CYTH3: variants seen among roughly 807,000 people sequenced by gnomAD.
The protein encoded by CYTH3 is cytohesin-3.
In CYTH3, 23 loss-of-function variants were observed where a neutral mutation model predicts 55.1. The observed-to-expected ratio is 0.42, with a 90% confidence interval of 0.30 to 0.59. The LOEUF is 0.59. Ranked by LOEUF, CYTH3 falls within the 20% of genes least tolerant of loss-of-function variation. The pLI, the probability that CYTH3 is intolerant of heterozygous loss-of-function variation, is 0.20. For synonymous variants in CYTH3, 249 were observed against 194.9 expected, an observed-to-expected ratio of 1.28 and a Z score of -2.31; for missense variants, 413 against 524.8, an observed-to-expected ratio of 0.79 and a Z score of 2.08.
intron 9 of CYTH3, among the ~76,000 whole-genome samples, chr7:6,166,160 T>C (rs1452551316): frequency 2.6e-5 from 4 of 152,184 alleles, no homozygotes; most frequent in Admixed American, 2.0e-4. Flanking sequence ...GACCCCACCA[T>C]GTCAGGTGGT....
At chr7:6,192,150 T>C (rs1198392651) in intron 1 of CYTH3, among the ~76,000 whole-genome samples, 1 of 151,998 alleles carries the variant, frequency 6.6e-6, no homozygotes, top group Non-Finnish European at 1.5e-5. Flanking sequence ...CACCACAGAG[T>C]GAAGAAGAGC....
chr7:6,193,071 C>CTGAGGCAGGAGAATCGCT (rs1783841394), intron 1 of CYTH3, among the ~76,000 whole-genome samples: 2 of 151,958 alleles, frequency 1.3e-5, no homozygotes, highest in African/African-American at 2.4e-5. Flanking sequence ...ACTGGGGAGG[C>CTGAGGCAGGAGAATCGCT]TGAGGCAGGA....
chr7:6,242,021 CTG>C (rs1413017255), intron 1 of CYTH3, among the ~76,000 whole-genome samples: 1 of 152,146 alleles, frequency 6.6e-6, no homozygotes, highest in Non-Finnish European at 1.5e-5. Context: ...GCATATACCA[CTG>C]TAACACAATA....
chr7:6,271,017 C>A (rs955697889), intron 1 of CYTH3, among the ~76,000 whole-genome samples: 6 of 152,192 alleles, frequency 3.9e-5, no homozygotes, highest in African/African-American at 1.4e-4. Context: ...TCTTTTCTAA[C>A]AAGGGAAAAC....
At chr7:6,223,325 C>T (rs1325826737) in intron 1 of CYTH3, among the ~76,000 whole-genome samples, 1 of 152,212 alleles carries the variant, frequency 6.6e-6, no homozygotes, top group Non-Finnish European at 1.5e-5. Flanking sequence ...GTGTACCCAA[C>T]AGCTCTGAAG....
At chr7:6,244,315 T>G (rs1369610340) in intron 1 of CYTH3, among the ~76,000 whole-genome samples, 1 of 152,244 alleles carries the variant, frequency 6.6e-6, no homozygotes, top group Non-Finnish European at 1.5e-5. Context: ...GTGGCAATTT[T>G]TAATGAATTT....
intron 1 of CYTH3, among the ~76,000 whole-genome samples, chr7:6,211,977 C>T (rs554627967): frequency 5.8e-4 from 89 of 152,142 alleles, no homozygotes; most frequent in African/African-American, 2.0e-3. Flanking sequence ...CAGAGTGAGA[C>T]GCTGTCTCAA....
rs1783190790 is a variant in CYTH3 at position 6,171,440 on chromosome 7, GC to G, written c.450-127del. On this transcript the variant is annotated intron_variant, in intron 6 of 12. Coordinates refer to ENST00000350796, the MANE Select transcript of CYTH3 (RefSeq NM_004227.4). This position sits in a 1 kb window ranked among gnomAD's most constrained non-coding sequence, Gnocchi z 6.7. ...AGCCTGGGGTACAGCTCTGGCAGGGGCTTGGGGGCGCAGAGACAGAAAGGAG... is the reference window on the plus strand; with the variant it reads ...AGCCTGGGGTACAGCTCTGGCAGGGGTTGGGGGCGCAGAGACAGAAAGGAG... 1 of 736,190 alleles carries G rather than the reference GC, an allele frequency of 1.4e-6. No homozygotes were observed. Among genetic ancestry groups the G allele is most frequent in the Non-Finnish European group, 2.3e-6 (1 of 440,270 alleles). 45.6% of individuals were successfully genotyped at this position (736,190 alleles called of 1,614,324 possible).
intron 1 of CYTH3, among the ~76,000 whole-genome samples, chr7:6,208,415 A>T (rs568139133): frequency 6.6e-6 from 1 of 152,372 alleles, no homozygotes; most frequent in South Asian, 2.1e-4. Context: ...TACCAAATGC[A>T]GTAGTCAAGG....
intron 2 of CYTH3, among the ~76,000 whole-genome samples, chr7:6,188,147 C>G (rs1163889492): frequency 6.6e-6 from 1 of 151,938 alleles, no homozygotes; most frequent in Non-Finnish European, 1.5e-5. Flanking sequence ...GGCAATGTAG[C>G]AAGGCCTCAT....
At chr7:6,211,303 T>C (rs1784314342) in intron 1 of CYTH3, among the ~76,000 whole-genome samples, 1 of 152,230 alleles carries the variant, frequency 6.6e-6, no homozygotes. Flanking sequence ...ATGGCTGTTG[T>C]ATTTCTTTCA....
chr7:6,261,807 C>A (rs151231378), intron 1 of CYTH3, among the ~76,000 whole-genome samples: 4 of 148,922 alleles, frequency 2.7e-5, no homozygotes, highest in Non-Finnish European at 5.9e-5. Context: ...TAATTTTTCA[C>A]ATACATTGTC....
intron 4 of CYTH3, among the ~76,000 whole-genome samples, chr7:6,181,841 T>C (rs1783511322): frequency 6.6e-6 from 1 of 152,194 alleles, no homozygotes; most frequent in Non-Finnish European, 1.5e-5. Context: ...ACGTCCACTC[T>C]TCAGCCACGT....
chr7:6,192,598 C>G (rs1469737882), intron 1 of CYTH3, among the ~76,000 whole-genome samples: 3 of 140,426 alleles, frequency 2.1e-5, no homozygotes, highest in African/African-American at 8.1e-5. Context: ...GTGGCACGAT[C>G]TCAGCTCACT....
chr7:6,221,083 C>T (rs1371323597), intron 1 of CYTH3, among the ~76,000 whole-genome samples: 7 of 152,020 alleles, frequency 4.6e-5, no homozygotes, highest in Admixed American at 4.6e-4. Context: ...AAAATGTATG[C>T]CCACACAAAA....
chr7:6,166,983 T>C (rs1170718832), intron 9 of CYTH3, among the ~76,000 whole-genome samples: 1 of 152,150 alleles, frequency 6.6e-6, no homozygotes, highest in East Asian at 1.9e-4. Flanking sequence ...CTCTGCTGCA[T>C]CTCCCCAGCC....
rs114782141 is a variant in CYTH3, at chr7:6,164,585, G to T, written c.*359C>A. 9.5e-4 allele frequency: 292 copies of T among 306,930 alleles called. No homozygotes were observed. Among genetic ancestry groups the T allele is most frequent in the African/African-American group, 6.0e-3 (278 of 46,360 alleles). 19.0% of individuals were successfully genotyped at this position (306,930 alleles called of 1,614,324 possible). A position where few individuals can be genotyped will look rare whatever the true frequency, so the allele number is the denominator to read the frequency against. ...TGGAATCCGTCCCGTGTCTGCTGTGGAGACAGCGGAAGCTGCTGTCCTGGC... is the reference window on the plus strand; with the variant it reads ...TGGAATCCGTCCCGTGTCTGCTGTGTAGACAGCGGAAGCTGCTGTCCTGGC... On this transcript the variant is annotated 3_prime_UTR_variant, in exon 13 of 13. Transcript: ENST00000350796.
intron 1 of CYTH3, among the ~76,000 whole-genome samples, chr7:6,238,767 G>C (rs571475023): frequency 1.3e-5 from 2 of 152,118 alleles, no homozygotes; most frequent in Non-Finnish European, 2.9e-5. Context: ...GTCGACAGCC[G>C]GGGAAGGCTG....
Position 6,170,792 on chromosome 7 carries a change from T to A in CYTH3, c.711+38A>T, listed in dbSNP as rs1164576085. On this transcript the variant is annotated intron_variant, in intron 8 of 12. Coordinates refer to ENST00000350796, the MANE Select transcript of CYTH3 (RefSeq NM_004227.4). This position sits in a 1 kb window ranked among gnomAD's most constrained non-coding sequence, Gnocchi z 7.8. Reference sequence around the variant, plus strand: ...GCTGCGGCCGCTCACAGCGAAGAGATCCTGCAGACGGCAGCGGCCGCGGGC... The same window carrying A: ...GCTGCGGCCGCTCACAGCGAAGAGAACCTGCAGACGGCAGCGGCCGCGGGC... The A allele has an allele frequency of 1.4e-5, 22 of 1,594,814 alleles. No individual in the cohort carries two copies. The East Asian group carries it at 4.1e-4, about 30-fold the overall frequency.
Sources: allele counts gnomAD v4.1 joint callset (sites outside exome capture counted in the v4.1 genomes callset), GRCh38; gene constraint gnomAD v4.1.1; non-coding constraint Gnocchi (gnomAD v3.1); transcripts MANE v1.5; gene names NCBI Gene and HGNC (gene_info 2026-07-23, HGNC 2026-07-21).